Variants in ASAP1 observed in about 807,000 individuals in gnomAD.
The protein encoded by ASAP1 is ArfGAP with SH3 domain, ankyrin repeat and PH domain 1.
ASAP1 carries 43 observed loss-of-function variants against 145.2 expected under a neutral mutation model. That is an observed-to-expected ratio of 0.30 (90% CI 0.23 to 0.38). ASAP1 has a LOEUF of 0.38. Ranked by LOEUF, ASAP1 falls within the 10% of genes least tolerant of loss-of-function variation. The pLI is 1.00. For synonymous variants in ASAP1, 546 were observed against 515.5 expected (o/e 1.06, Z -0.80); for missense variants, 1,018 against 1,355.3 (o/e 0.75, Z 3.91).
At chr8:130,260,051 G>A (rs888146149) in intron 3 of ASAP1, among the ~76,000 whole-genome samples, 2 of 152,052 alleles carry the variant, frequency 1.3e-5, no homozygotes, top group African/African-American at 2.4e-5. Context: ...AAAGGACAAT[G>A]TTGTTCATTT....
chr8:130,178,195 C>T (rs1814098073), intron 9 of ASAP1, among the ~76,000 whole-genome samples: 1 of 152,184 alleles, frequency 6.6e-6, no homozygotes, highest in Admixed American at 6.5e-5. Flanking sequence ...CTAGTCCAAA[C>T]GACCTTTACA....
intron 2 of ASAP1, among the ~76,000 whole-genome samples, chr8:130,367,926 T>C (rs551619756): frequency 6.6e-6 from 1 of 152,322 alleles, no homozygotes; most frequent in East Asian, 1.9e-4. Flanking sequence ...CCATGTCAAA[T>C]GTAGGGCATT....
chr8:130,167,593 T>G lies in ASAP1; in HGVS notation c.852A>C (p.Lys284Asn). The change falls in exon 11 of 30, where the codon AAA becomes AAC. Residue 284 changes from lysine (K) to asparagine (N), a missense_variant. By Grantham distance (94) the Lys-to-Asn change is moderately conservative. This residue lies in a region of ASAP1 where 62 missense variants were observed against 68.5 expected (regional missense o/e 0.90). Transcript: ENST00000518721. ...TTAAGTCTCGGAGTGCAGTTAGCTG[T>G]TTCTTTTCTTCATCCTGGGTCTGTT... is the stretch of plus-strand genomic sequence containing the variant. ...NIKQTQDEEK[K>N]QLTALRDLIK... 6.2e-7 allele frequency: 1 copy of G among 1,613,244 alleles called. No homozygotes were observed. The highest frequency in any genetic ancestry group is 8.5e-7 in the Non-Finnish European group (1 of 1,179,290).
At chr8:130,110,167 T>C (rs1225108996) in intron 24 of ASAP1, among the ~76,000 whole-genome samples, 1 of 152,226 alleles carries the variant, frequency 6.6e-6, no homozygotes, top group African/African-American at 2.4e-5. Context: ...TATGGGTTTC[T>C]GTTGTCCCCC....
intron 5 of ASAP1, among the ~76,000 whole-genome samples, chr8:130,203,515 G>A (rs1292020232): frequency 3.3e-5 from 5 of 152,342 alleles, no homozygotes; most frequent in Admixed American, 1.3e-4. Flanking sequence ...GCCATGGTAT[G>A]TGGAGGTGAG....
intron 3 of ASAP1, among the ~76,000 whole-genome samples, chr8:130,284,051 C>A (rs1031318814): frequency 1.3e-5 from 2 of 152,134 alleles, no homozygotes; most frequent in African/African-American, 2.4e-5. Flanking sequence ...TTAGACTCAT[C>A]ATCATCACAT....
chr8:130,351,359 A>T (rs1461464439), intron 3 of ASAP1, among the ~76,000 whole-genome samples: 6 of 152,238 alleles, frequency 3.9e-5, no homozygotes, highest in African/African-American at 1.4e-4. Context: ...ATTCATATGT[A>T]AAGCAATAAT....
intron 14 of ASAP1, 73 bp from the exon 15 acceptor site, chr8:130,134,417 G>A (rs2097589469): frequency 2.1e-6 from 2 of 951,382 alleles, no homozygotes; most frequent in South Asian, 2.0e-5. Context: ...ACAGATTTAA[G>A]TTCCTGGGAA....
At chr8:130,102,528 G>A (rs200674154) in intron 24 of ASAP1, among the ~76,000 whole-genome samples, 1 of 152,140 alleles carries the variant, frequency 6.6e-6, no homozygotes, top group Non-Finnish European at 1.5e-5. Flanking sequence ...TTGCATCTAC[G>A]TTCCACAAGA....
intron 24 of ASAP1, among the ~76,000 whole-genome samples, chr8:130,104,452 G>C (rs2097533807): frequency 6.6e-6 from 1 of 152,114 alleles, no homozygotes. Flanking sequence ...TCCGTCCTTT[G>C]TTCTCTGCCT....
rs562253245 is a variant in ASAP1 at position 130,097,007 on chromosome 8, T to A, written c.2402-4864A>T. On this transcript the variant is annotated intron_variant, in intron 24 of 29. Coordinates refer to ENST00000518721, the MANE Select transcript of ASAP1 (RefSeq NM_018482.4). ...TGGGCATGGTGGCATGCACCTGTAA[T>A]CCCAGCTACTTGGGAGGCTGAGGCA... 4.6e-5 allele frequency among the ~76,000 whole-genome samples: 7 copies of A among 151,510 alleles called. No individual in the cohort carries two copies. In the South Asian group the frequency reaches 1.5e-3, roughly 32 times the overall value.
Position 130,191,096 on chromosome 8 carries a change from T to C in ASAP1, c.406-2913A>G, listed in dbSNP as rs574896144. On this transcript the variant is annotated intron_variant, in intron 5 of 29. Transcript: ENST00000518721. ...CTCTGCGGCAGTGGCCTGAGTCTCC[T>C]TGATTTTAAGATGGCACAAAGAGGA... Among the ~76,000 whole-genome samples, 24 of 152,014 alleles carry C rather than the reference T, an allele frequency of 1.6e-4. No individual in the cohort carries two copies. In the East Asian group the frequency reaches 4.4e-3, roughly 28 times the overall value.
intron 1 of ASAP1, among the ~76,000 whole-genome samples, chr8:130,437,636 T>C (rs932758757): frequency 1.3e-5 from 2 of 152,192 alleles, no homozygotes; most frequent in Admixed American, 1.3e-4. Flanking sequence ...TACAATGAAA[T>C]AGGCACACAG....
intron 2 of ASAP1, among the ~76,000 whole-genome samples, chr8:130,366,688 A>G (rs963071900): frequency 1.3e-5 from 2 of 152,118 alleles, no homozygotes; most frequent in Non-Finnish European, 2.9e-5. Flanking sequence ...TTGTTACCTT[A>G]GGCAAGTTAT....
intron 28 of ASAP1, 88 bp downstream of exon 28, chr8:130,060,491 T>C: frequency 6.7e-7 from 1 of 1,490,184 alleles, no homozygotes; most frequent in Non-Finnish European, 9.0e-7. Context: ...CTCTCACTTT[T>C]TCTTGTGTAA....
chr8:130,179,640 G>A (rs541739561), intron 8 of ASAP1, among the ~76,000 whole-genome samples: 5 of 152,248 alleles, frequency 3.3e-5, no homozygotes, highest in African/African-American at 1.2e-4. Context: ...GATCTCAAAC[G>A]TATAGTTTAT....
intron 28 of ASAP1, among the ~76,000 whole-genome samples, chr8:130,060,075 CAAA>C (rs55875346): frequency 1.0e-5 from 1 of 95,916 alleles, no homozygotes; most frequent in Non-Finnish European, 2.1e-5. Context: ...GAGCCCTTCT[CAAA>C]AAAAAAAAAA....
At chr8:130,189,666 A>G in intron 5 of ASAP1, among the ~76,000 whole-genome samples, 1 of 152,150 alleles carries the variant, frequency 6.6e-6, no homozygotes, top group East Asian at 1.9e-4. Flanking sequence ...TTTTAGGTAT[A>G]TACCCAGCAC....
In ASAP1 at chr8:130,164,481, C is replaced by G. The variant is rs200794839; in HGVS notation, c.909+3055G>C. Among the ~76,000 whole-genome samples, 3 of 152,158 alleles carry G rather than the reference C, an allele frequency of 2.0e-5. No individual in the cohort carries two copies. In the East Asian group the frequency reaches 5.8e-4, roughly 29 times the overall value. On this transcript the variant is annotated intron_variant, in intron 11 of 29. Transcript: ENST00000518721. ...TGGTACATGCCTGTAGTCCCAGCTA[C>G]TTGGGAGGCTGAGGCACGAGAATCA...
Sources: allele counts gnomAD v4.1 joint callset (sites outside exome capture counted in the v4.1 genomes callset), GRCh38; gene constraint gnomAD v4.1.1; regional missense constraint gnomAD v4.1.1; transcripts MANE v1.5; gene names NCBI Gene and HGNC (gene_info 2026-07-23, HGNC 2026-07-21).